The following ZNF490 variants were observed in gnomAD, a reference collection of about 807,000 sequenced individuals.
ZNF490 encodes zinc finger protein 490.
In ZNF490, 11 loss-of-function variants were observed where a neutral mutation model predicts 17.7. The observed-to-expected ratio is 0.62, with a 90% CI of 0.39 to 1.03. The LOEUF is 1.03. Among genes scored for constraint, ZNF490 ranks in the 50% least tolerant of loss-of-function variants. The pLI is 0.00. For synonymous variants in ZNF490, 222 were observed against 216.1 expected (o/e 1.03, Z -0.24); for missense variants, 542 against 643.4 (o/e 0.84, Z 1.71).
chr19:12,590,854 G>A (rs796601956), intron 2 of ZNF490, among the ~76,000 whole-genome samples: 18 of 151,082 alleles, frequency 1.2e-4, no homozygotes, highest in African/African-American at 4.4e-4. Flanking sequence ...AAGATGGGGT[G>A]GATCACTTCA....
chr19:12,605,992 T>C (rs570707710), intron 2 of ZNF490, among the ~76,000 whole-genome samples: 1 of 152,152 alleles, frequency 6.6e-6, no homozygotes, highest in Admixed American at 6.6e-5. Flanking sequence ...GCAATTATCC[T>C]GCCTCAGCCT....
At chr19:12,603,017 G>C (rs12972959) in intron 2 of ZNF490, among the ~76,000 whole-genome samples, 9,275 of 152,114 alleles carry the variant, frequency 0.061, 363 homozygotes, top group Non-Finnish European at 0.095. Context: ...GATTCTTAGA[G>C]AATATCCAAG....
rs905406549 is a variant in ZNF490 at position 12,589,700 on chromosome 19, G to A, written c.163-6144C>T. On this transcript the variant is annotated intron_variant, in intron 2 of 4. Transcript: ENST00000311437. ...CCAGCAATCTTCTTGCCTTGGCCCC[G>A]CAAGCAGCAAAGACTATAGGTGCAT... is the stretch of plus-strand genomic sequence containing the variant. Among the ~76,000 whole-genome samples the A allele has an allele frequency of 1.1e-4, 17 of 151,388 alleles. No individual in the cohort carries two copies. In the South Asian group the frequency reaches 2.9e-3, roughly 26 times the overall value.
rs200273367 is a variant in ZNF490 at position 12,609,175 on chromosome 19, T to A, written c.145A>T (p.Ser49Cys). Reference protein sequence around the residue: ...QMQNSEHHGQSIKTQTDSISL... With the variant: ...QMQNSEHHGQCIKTQTDSISL... ...TCACTTACAGTTTGAGTCTTGATGC[T>A]TTGTCCATGGTGTTCACTGTTCTGC... The change falls in exon 2 of 5, where the codon AGC (serine) becomes TGC (cysteine). Residue 49 changes from serine (S) to cysteine (C), a missense_variant. Coordinates refer to ENST00000311437, the MANE Select transcript of ZNF490 (RefSeq NM_020714.3). 1.2e-6 allele frequency: 2 copies of A among 1,614,140 alleles called. No homozygotes were observed.
intron 2 of ZNF490, among the ~76,000 whole-genome samples, chr19:12,594,539 C>T (rs745679267): frequency 2.8e-4 from 42 of 152,034 alleles, no homozygotes; most frequent in Non-Finnish European, 4.9e-4. Context: ...GAGTGCCTGC[C>T]ATATGGCAAC....
Position 12,610,632 on chromosome 19 carries a change from C to T in ZNF490, c.49G>A (p.Glu17Lys), listed in dbSNP as rs771874014. Reference sequence around the variant, plus strand: ...GACGACCACTTGCTCTGGACTTGCTCCTCGAGGGGTCGCTCCATCTGGAAA... The same window carrying T: ...GACGACCACTTGCTCTGGACTTGCTTCTCGAGGGGTCGCTCCATCTGGAAA... ...LSFQMERPLEEQVQSKWSSSQ... is the reference protein window; with the variant it reads ...LSFQMERPLEKQVQSKWSSSQ... The change falls in exon 1 of 5, where the codon GAG becomes AAG. Residue 17 changes from glutamate to lysine, a missense_variant. By Grantham distance (56) the Glu-to-Lys change is moderately conservative. Coordinates refer to ENST00000311437, the MANE Select transcript of ZNF490 (RefSeq NM_020714.3). The T allele has an allele frequency of 1.9e-6, 3 of 1,614,002 alleles. No individual in the cohort carries two copies. The East Asian group carries it at 6.7e-5, about 36-fold the overall frequency.
Position 12,610,757 on chromosome 19 carries a change from C to T in ZNF490, c.-77G>A. ...AGATCCGGAACAATTTCTGCTTCAA[C>T]ACAATTGTCCACGGAGGGCACCAGT... On this transcript the variant is annotated 5_prime_UTR_variant, in exon 1 of 5. Transcript: ENST00000311437. 2.1e-6 allele frequency: 3 copies of T among 1,417,500 alleles called. No individual in the cohort carries two copies. Among genetic ancestry groups the T allele is most frequent in the Non-Finnish European group, 3.0e-6 (3 of 1,010,682 alleles). 87.8% of individuals were successfully genotyped at this position (1,417,500 alleles called of 1,614,324 possible).
intron 2 of ZNF490, among the ~76,000 whole-genome samples, chr19:12,598,239 A>T (rs2022958743): frequency 9.5e-6 from 1 of 105,106 alleles, no homozygotes. Flanking sequence ...AACAACAATT[A>T]AAAAAAATAG....
intron 2 of ZNF490, among the ~76,000 whole-genome samples, chr19:12,594,961 G>A (rs993499260): frequency 6.6e-6 from 1 of 152,118 alleles, no homozygotes; most frequent in Non-Finnish European, 1.5e-5. Flanking sequence ...AATTAATTCA[G>A]AACTAGGCTG....
intron 2 of ZNF490, among the ~76,000 whole-genome samples, chr19:12,584,100 G>GCCTGGT (rs1568278795): frequency 1.9e-3 from 89 of 47,226 alleles, no homozygotes; most frequent in Admixed American, 2.5e-3. Context: ...GTGAGCCACC[G>GCCTGGT]CACCCTGCCA....
At chr19:12,605,434 T>G (rs891269597) in intron 2 of ZNF490, among the ~76,000 whole-genome samples, 1 of 151,458 alleles carries the variant, frequency 6.6e-6, no homozygotes, top group Non-Finnish European at 1.5e-5. Context: ...TGAGCTATGA[T>G]CCTGCCACTG....
chr19:12,602,623 C>CTTT (rs974396095), intron 2 of ZNF490, among the ~76,000 whole-genome samples: 1 of 138,626 alleles, frequency 7.2e-6, no homozygotes, highest in African/African-American at 2.6e-5. Context: ...ATGTATATTT[C>CTTT]TTTTTTTTTT....
intron 2 of ZNF490, among the ~76,000 whole-genome samples, chr19:12,601,761 G>C (rs2145162879): frequency 6.6e-6 from 1 of 152,186 alleles, no homozygotes; most frequent in Admixed American, 6.6e-5. Flanking sequence ...GGGAGGCCAA[G>C]GCGGGCGGAT....
chr19:12,598,069 CA>C (rs796292557), intron 2 of ZNF490, among the ~76,000 whole-genome samples: 1 of 151,922 alleles, frequency 6.6e-6, no homozygotes, highest in African/African-American at 2.4e-5. Flanking sequence ...ACTAAAAATA[CA>C]AAAATTAGCT....
intron 2 of ZNF490, among the ~76,000 whole-genome samples, chr19:12,585,478 T>C (rs557600094): frequency 1.1e-5 from 1 of 93,134 alleles, no homozygotes; most frequent in South Asian, 2.9e-4. Context: ...GTCATTTATT[T>C]ACAACAAGAG....
Position 12,580,110 on chromosome 19 carries a change from CA to C in ZNF490, c.*374del, listed in dbSNP as rs548938263. The C allele has an allele frequency of 1.0e-6, 1 of 998,896 alleles. No individual in the cohort carries two copies. The highest frequency in any genetic ancestry group is 1.2e-6 in the Non-Finnish European group (1 of 838,436). 61.9% of individuals were successfully genotyped at this position (998,896 alleles called of 1,614,324 possible). On this transcript the variant is annotated 3_prime_UTR_variant, in exon 5 of 5. Coordinates refer to ENST00000311437, the MANE Select transcript of ZNF490 (RefSeq NM_020714.3). ...CAACAAGAGCAAAATTACATCTCAA[CA>C]AAAACAAAAACAAAAAACAAACCCC... is the stretch of plus-strand genomic sequence containing the variant.
Position 12,579,605 on chromosome 19 carries a change from G to A in ZNF490, c.*880C>T, listed in dbSNP as rs1001220109. 6.6e-6 allele frequency: 1 copy of A among 151,732 alleles called. No individual in the cohort carries two copies. The highest frequency in any genetic ancestry group is 1.5e-5 in the Non-Finnish European group (1 of 67,968). 9.4% of individuals were successfully genotyped at this position (151,732 alleles called of 1,614,324 possible). A position where few individuals can be genotyped will look rare whatever the true frequency, so the allele number is the denominator to read the frequency against. ...GTGGGTGGATCATTTGAGGTCAAGA[G>A]TTTAAGATCAGCCTGGTCAACATGG... On this transcript the variant is annotated 3_prime_UTR_variant, in exon 5 of 5. Coordinates refer to ENST00000311437, the MANE Select transcript of ZNF490 (RefSeq NM_020714.3).
intron 2 of ZNF490, among the ~76,000 whole-genome samples, chr19:12,600,259 C>T (rs930308628): frequency 1.3e-5 from 2 of 150,870 alleles, no homozygotes; most frequent in East Asian, 1.9e-4. Context: ...CCCAGCTACT[C>T]GGGAGGCTGA....
chr19:12,596,694 G>A (rs2022937906), intron 2 of ZNF490, among the ~76,000 whole-genome samples: 1 of 152,100 alleles, frequency 6.6e-6, no homozygotes. Flanking sequence ...CTTGAGAGCG[G>A]TAGCCCAGAC....
Sources: gnomAD v4.1 joint callset for allele counts (sites outside exome capture counted in the v4.1 genomes callset) on GRCh38, gnomAD v4.1.1 for gene constraint, MANE v1.5 for transcripts, NCBI Gene and HGNC (gene_info 2026-07-23, HGNC 2026-07-21) for gene names.